Variants in ZNF384 observed in about 807,000 individuals in gnomAD.
ZNF384 encodes the protein CAG repeat protein 1.
In ZNF384, 20 loss-of-function variants were observed where a neutral mutation model predicts 65.0. The ratio of observed to expected loss-of-function variants is 0.31; its 90% CI spans 0.22 to 0.45. The LOEUF (loss-of-function observed/expected upper bound fraction) is 0.45, where lower values mean the gene tolerates loss of function less well. Ranked by LOEUF, ZNF384 falls within the 20% of genes least tolerant of loss-of-function variation. The probability of loss-of-function intolerance (pLI) is 1.00; values close to 1 mark genes in which losing one functional copy is unlikely to be tolerated. For missense variants in ZNF384, 549 were observed against 769.4 expected (o/e 0.71, Z 3.39); for synonymous variants, 310 against 303.9 (o/e 1.02, Z -0.21).
rs1296540373 is a variant in ZNF384 at position 6,672,601 on chromosome 12, T to G, written c.1005-69A>C. 3.3e-6 allele frequency: 5 copies of G among 1,497,244 alleles called. No individual in the cohort carries two copies. In the Admixed American group the frequency reaches 5.7e-5, roughly 17 times the overall value. 92.7% of individuals were successfully genotyped at this position (1,497,244 alleles called of 1,614,324 possible). A position where few individuals can be genotyped will look rare whatever the true frequency, so the allele number is the denominator to read the frequency against. On this transcript the variant is annotated intron_variant, in intron 8 of 11. Transcript: ENST00000683879. The surrounding 1 kb of genome is among the most constrained non-coding windows in gnomAD (Gnocchi z 4.4). ...CGACACCAGGGGCTCAGCTCTCTGC[T>G]GGGTGAAATGACGTTGCTTGACGGA...
In ZNF384 at chr12:6,667,916, TGC is replaced by T. The variant is rs747389750; in HGVS notation, c.1623_1624del (p.Gln542AlafsTer36). On this transcript the variant is annotated frameshift_variant, in exon 12 of 12. Coordinates refer to ENST00000683879, the MANE Select transcript of ZNF384 (RefSeq NM_001385745.1). LOFTEE classifies it high-confidence loss of function. ...TGGTGGTGGCTGTTGCTGCTGCTGC[TGC>T]TGCTGCTGCTGCTGCTGCTGCTGCT... 7.2e-5 allele frequency: 115 copies of T among 1,593,558 alleles called. 1 individual carries two copies. The East Asian group carries it at 2.6e-3, about 36-fold the overall frequency.
rs1951707585 is a variant in ZNF384 at position 6,672,079 on chromosome 12, T to G, written c.1187+271A>C. 4 of 381,396 alleles carry G rather than the reference T, an allele frequency of 1.0e-5. No homozygotes were observed. Among genetic ancestry groups the G allele is most frequent in the Non-Finnish European group, 4.8e-6 (1 of 208,336 alleles). 23.6% of individuals were successfully genotyped at this position (381,396 alleles called of 1,614,324 possible). On this transcript the variant is annotated intron_variant, in intron 9 of 11. Transcript: ENST00000683879. This position sits in a 1 kb window ranked among gnomAD's most constrained non-coding sequence, Gnocchi z 4.4. ...GGGAGGAAAATTAGAGAAAAGTTGT[T>G]TCTACTCCAGGTACGTGTCTGTCTC... is the stretch of plus-strand genomic sequence containing the variant.
Position 6,666,558 on chromosome 12 carries a change from A to C in ZNF384, c.*1156T>G, listed in dbSNP as rs1051958349. The C allele has an allele frequency of 6.5e-6, 1 of 154,674 alleles. No individual in the cohort carries two copies. Among genetic ancestry groups the C allele is most frequent in the Admixed American group, 7.1e-5 (1 of 14,062 alleles). 9.6% of individuals were successfully genotyped at this position (154,674 alleles called of 1,614,324 possible). On this transcript the variant is annotated 3_prime_UTR_variant, in exon 12 of 12. Coordinates refer to ENST00000683879, the MANE Select transcript of ZNF384 (RefSeq NM_001385745.1). ...CATAAGTTTTTTTCTTTTTTTCTTC[A>C]TTTTTAAATTACTTTATAACAACTG...
rs1951905627 is a variant in ZNF384, at chr12:6,672,545, A to G, written c.1005-13T>C. Reference sequence around the variant, plus strand: ...CTTGGAGTGGATCCTGCCGGAGAGGAGAGGAGGGAAGGGGGGAGGAGGAAG... The same window carrying G: ...CTTGGAGTGGATCCTGCCGGAGAGGGGAGGAGGGAAGGGGGGAGGAGGAAG... On this transcript the variant is annotated splice_polypyrimidine_tract_variant and intron_variant, in intron 8 of 11. Transcript: ENST00000683879. The surrounding 1 kb of genome is among the most constrained non-coding windows in gnomAD (Gnocchi z 4.4). The G allele has an allele frequency of 1.2e-6, 2 of 1,612,626 alleles. No homozygotes were observed. The highest frequency in any genetic ancestry group is 1.7e-6 in the Non-Finnish European group (2 of 1,179,110).
At chr12:6,676,288 G>A (rs1455853903) in intron 7 of ZNF384, among the ~76,000 whole-genome samples, 4 of 151,932 alleles carry the variant, frequency 2.6e-5, no homozygotes, top group Admixed American at 2.0e-4. Flanking sequence ...GCGACAGAGC[G>A]AGACTCCGTC....
intron 2 of ZNF384, among the ~76,000 whole-genome samples, chr12:6,685,180 G>A (rs146420208): frequency 6.2e-4 from 94 of 152,068 alleles, no homozygotes; most frequent in Non-Finnish European, 1.1e-3. Flanking sequence ...AAAAGTAGCC[G>A]GGCATGGTGG....
chr12:6,673,296 T>G lies in ZNF384; in HGVS notation c.924A>C (p.Ile308=), dbSNP rs769518677. The G allele has an allele frequency of 3.7e-6, 6 of 1,613,682 alleles. No homozygotes were observed. The highest frequency in any genetic ancestry group is 5.1e-6 in the Non-Finnish European group (6 of 1,179,930). ...AACTGTAGGGCTTAGCCCCTGAGTG[T>G]ATACGGATGTGCTGGGCCAGGTAGG... is the stretch of plus-strand genomic sequence containing the variant. The part of the protein sequence containing the change: ...NSSYLAQHIR[I]HSGAKPYSCN... Residue 308 remains isoleucine, a synonymous_variant, in exon 8 of 12, where the codon ATA becomes ATC. Coordinates refer to ENST00000683879, the MANE Select transcript of ZNF384 (RefSeq NM_001385745.1). This position sits in a 1 kb window ranked among gnomAD's most constrained non-coding sequence, Gnocchi z 4.7.
Position 6,683,832 on chromosome 12 carries a change from G to A in ZNF384, c.-5-4307C>T, listed in dbSNP as rs148821665. On this transcript the variant is annotated intron_variant, in intron 2 of 11. Transcript: ENST00000683879. ...AGAAGTTCAAGACCAGTCTGGCCAA[G>A]ATGGTGAAACCTTGTCTCTACTGAA... 7.8e-3 allele frequency among the ~76,000 whole-genome samples: 1,190 copies of A among 152,164 alleles called. 17 individuals carry two copies. Among genetic ancestry groups the A allele is most frequent in the African/African-American group, 0.026 (1,085 of 41,494 alleles).
intron 2 of ZNF384, among the ~76,000 whole-genome samples, chr12:6,686,757 TGAAAA>T (rs1485725279): frequency 5.3e-5 from 8 of 152,304 alleles, no homozygotes; most frequent in African/African-American, 1.7e-4. Flanking sequence ...CAAGTGCTCC[TGAAAA>T]GAAGAGTTAC....
At chr12:6,670,469 A>G (rs1951104845) in intron 10 of ZNF384, among the ~76,000 whole-genome samples, 1 of 152,160 alleles carries the variant, frequency 6.6e-6, no homozygotes, top group Non-Finnish European at 1.5e-5. Context: ...TAATAATGCC[A>G]TTCTTCTCAC....
At chr12:6,682,377 T>C (rs1490720543) in intron 2 of ZNF384, among the ~76,000 whole-genome samples, 1 of 141,900 alleles carries the variant, frequency 7.0e-6, no homozygotes, top group Non-Finnish European at 1.6e-5. Context: ...AAACAAAACA[T>C]GCAAGTTGCG....
intron 2 of ZNF384, among the ~76,000 whole-genome samples, chr12:6,685,857 G>C (rs1016484810): frequency 2.7e-5 from 4 of 150,584 alleles, no homozygotes; most frequent in African/African-American, 4.9e-5. Context: ...AGAGACACAA[G>C]GAACTACATA....
At chr12:6,677,452 A>G (rs934181137) in intron 6 of ZNF384, among the ~76,000 whole-genome samples, 193 bp from the exon 7 acceptor site, 1 of 152,256 alleles carries the variant, frequency 6.6e-6, no homozygotes, top group Non-Finnish European at 1.5e-5. Context: ...AAGATGTTCA[A>G]CTTTCAAAGG....
chr12:6,681,407 T>TA (rs1365961619), intron 2 of ZNF384, among the ~76,000 whole-genome samples: 3 of 152,012 alleles, frequency 2.0e-5, no homozygotes, highest in Non-Finnish European at 2.9e-5. Flanking sequence ...CCAGCAAAGA[T>TA]AGAGCCCCAC....
chr12:6,677,640 T>G (rs760644386), intron 6 of ZNF384, among the ~76,000 whole-genome samples: 2 of 152,118 alleles, frequency 1.3e-5, no homozygotes, highest in Non-Finnish European at 2.9e-5. Flanking sequence ...ATCCTATTCC[T>G]CCTACCTTCT....
At chr12:6,684,016 CA>C (rs113464138) in intron 2 of ZNF384, among the ~76,000 whole-genome samples, 7 of 142,934 alleles carry the variant, frequency 4.9e-5, no homozygotes, top group East Asian at 4.1e-4. Flanking sequence ...GAATCCGTCT[CA>C]AAAAAAAAAA....
rs139957806 is a variant in ZNF384, at chr12:6,667,798, C to A, written c.1743G>T (p.Pro581=). ...PPPQCSFDLT[P]YKTAEHHKDI... ...CCTTATGATGCTCCGCCGTCTTATA[C>A]GGGGTCAGGTCAAAGGAACACTGGG... The change falls in exon 12 of 12, where the codon CCG becomes CCT. Residue 581 remains proline (P), a synonymous_variant. Coordinates refer to ENST00000683879, the MANE Select transcript of ZNF384 (RefSeq NM_001385745.1). 1.9e-6 allele frequency: 3 copies of A among 1,614,074 alleles called. No homozygotes were observed. The highest frequency in any genetic ancestry group is 2.5e-6 in the Non-Finnish European group (3 of 1,180,048).
intron 2 of ZNF384, among the ~76,000 whole-genome samples, chr12:6,687,052 T>C (rs1204545740): frequency 6.6e-6 from 1 of 152,052 alleles, no homozygotes; most frequent in Non-Finnish European, 1.5e-5. Flanking sequence ...ACAGAGAAAG[T>C]TTTTTTTGTT....
In ZNF384 at chr12:6,667,098, C is replaced by A. The variant is rs1053766188; in HGVS notation, c.*616G>T. On this transcript the variant is annotated 3_prime_UTR_variant, in exon 12 of 12. Transcript: ENST00000683879. ...TGTGACCAACTTGGGAATTTCTGGC[C>A]CCTTGGGGACCACATCTCAGCCCTT... 7 of 233,106 alleles carry A rather than the reference C, an allele frequency of 3.0e-5. No individual in the cohort carries two copies. The highest frequency in any genetic ancestry group is 6.0e-5 in the Non-Finnish European group (7 of 117,424). 14.4% of individuals were successfully genotyped at this position (233,106 alleles called of 1,614,324 possible). A position where few individuals can be genotyped will look rare whatever the true frequency, so the allele number is the denominator to read the frequency against.
Sources: gnomAD v4.1 joint callset for allele counts (sites outside exome capture counted in the v4.1 genomes callset) on GRCh38, gnomAD v4.1.1 for gene constraint, Gnocchi (gnomAD v3.1) non-coding constraint, MANE v1.5 for transcripts, NCBI Gene and HGNC (gene_info 2026-07-23, HGNC 2026-07-21) for gene names.